The following SEPSECS variants were observed in gnomAD, a reference collection of about 807,000 sequenced individuals.
SEPSECS encodes the protein Sep (O-phosphoserine) tRNA:Sec (selenocysteine) tRNA synthase, also known as O-phosphoseryl-tRNA(Sec) selenium transferase.
Under a neutral mutation model 52.1 loss-of-function variants are expected in SEPSECS, and 42 were observed. The observed-to-expected ratio is 0.81, with a 90% CI of 0.63 to 1.04. The LOEUF (loss-of-function observed/expected upper bound fraction) is 1.04. Among genes scored for constraint, SEPSECS ranks in the 50% least tolerant of loss-of-function variants. SEPSECS has a pLI of 0.00. For missense variants in SEPSECS, 590 were observed against 610.6 expected (o/e 0.97, Z 0.36); for synonymous variants, 216 against 211.4 (o/e 1.02, Z -0.19).
At chr4:25,138,028 CAG>C (rs1553879643) in intron 8 of SEPSECS, among the ~76,000 whole-genome samples, 1 of 152,060 alleles carries the variant, frequency 6.6e-6, no homozygotes, top group Non-Finnish European at 1.5e-5. Context: ...CGCACAAACA[CAG>C]GGAGGGGAAC....
chr4:25,158,666 G>A (rs1478431360), intron 2 of SEPSECS, among the ~76,000 whole-genome samples: 2 of 151,884 alleles, frequency 1.3e-5, no homozygotes, highest in African/African-American at 4.8e-5. Flanking sequence ...AACCAGATAT[G>A]TTTATTAGGG....
chr4:25,127,563 C>T (rs529429835), intron 8 of SEPSECS, among the ~76,000 whole-genome samples: 8 of 152,316 alleles, frequency 5.3e-5, no homozygotes, highest in Admixed American at 5.2e-4. Flanking sequence ...AGGCAAAGAA[C>T]CAGCACATTT....
chr4:25,127,236 T>A lies in SEPSECS; in HGVS notation c.1120+28A>T, dbSNP rs1488446915. On this transcript the variant is annotated intron_variant, in intron 9 of 10. Transcript: ENST00000382103. ...CCTCCTAGAGTGGATCATAAGTATT[T>A]GTTTTTCTTTAGGAAAAAAGAAATT... 3 of 1,444,856 alleles carry A rather than the reference T, an allele frequency of 2.1e-6. No individual in the cohort carries two copies. The Middle Eastern group carries it at 5.2e-4, about 251-fold the overall frequency. 89.5% of individuals were successfully genotyped at this position (1,444,856 alleles called of 1,614,324 possible).
rs1728085333 is a variant in SEPSECS at position 25,120,595 on chromosome 4, T to C, written c.*3336A>G. 1 of 152,158 alleles carries C rather than the reference T, an allele frequency of 6.6e-6. No individual in the cohort carries two copies. The highest frequency in any genetic ancestry group is 1.9e-4 in the East Asian group (1 of 5,198). The allele number at this position is 152,158 out of a possible 1,614,324, so 9.4% of individuals were successfully genotyped here. ...TTTCTGTGTATGCAAAACTGGACTT[T>C]TTTCAGTTACAAAATAAGGTTGGCC... On this transcript the variant is annotated 3_prime_UTR_variant, in exon 11 of 11. Transcript: ENST00000382103.
intron 8 of SEPSECS, among the ~76,000 whole-genome samples, chr4:25,137,985 G>T (rs921677673): frequency 2.0e-5 from 3 of 152,038 alleles, no homozygotes; most frequent in Non-Finnish European, 4.4e-5. Context: ...ATACCGCATC[G>T]TCTCACTCTA....
At chr4:25,134,124 C>CAA (rs34672005) in intron 8 of SEPSECS, among the ~76,000 whole-genome samples, 1,216 of 13,162 alleles carry the variant, frequency 0.092, 247 homozygotes, top group Non-Finnish European at 0.13. Context: ...GACCCCATCT[C>CAA]AAAAAAAAAA....
At chr4:25,156,265 T>C (rs2109034432) in intron 3 of SEPSECS, 70 bp from the exon 4 acceptor site, 3 of 1,327,974 alleles carry the variant, frequency 2.3e-6, no homozygotes, top group East Asian at 4.8e-5. Context: ...GAGGAAATAA[T>C]ATATTTCATA....
chr4:25,127,637 A>G (rs1324127674), intron 8 of SEPSECS, among the ~76,000 whole-genome samples: 1 of 151,870 alleles, frequency 6.6e-6, no homozygotes, highest in Non-Finnish European at 1.5e-5. Flanking sequence ...CAGACCTACC[A>G]CTCTGGTCCT....
In SEPSECS at chr4:25,122,620, A is replaced by T. The variant is rs950640823; in HGVS notation, c.*1311T>A. 5.3e-5 allele frequency: 8 copies of T among 152,242 alleles called. No individual in the cohort carries two copies. The highest frequency in any genetic ancestry group is 3.4e-3 in the Middle Eastern group (1 of 294). 9.4% of individuals were successfully genotyped at this position (152,242 alleles called of 1,614,324 possible). A position where few individuals can be genotyped will look rare whatever the true frequency, so the allele number is the denominator to read the frequency against. ...CTCCCAAAATTATTTGTCTGTAAACATTTTCTCCCCATGAGCATCTTTTAG... is the reference window on the plus strand; with the variant it reads ...CTCCCAAAATTATTTGTCTGTAAACTTTTTCTCCCCATGAGCATCTTTTAG... On this transcript the variant is annotated 3_prime_UTR_variant, in exon 11 of 11. Transcript: ENST00000382103.
At position 25,123,900 on chromosome 4, in the gene SEPSECS, T is replaced by G. The variant is rs1377492864; in HGVS notation, c.*31A>C. On this transcript the variant is annotated 3_prime_UTR_variant, in exon 11 of 11. Coordinates refer to ENST00000382103, the MANE Select transcript of SEPSECS (RefSeq NM_016955.4). The stretch of plus-strand genomic sequence containing the variant: ...CTTGTACTACAGCCTTATCATTTCT[T>G]TCAAATGATCAAGAAGAAACCCTTC... The G allele has an allele frequency of 6.3e-7, 1 of 1,577,752 alleles. No individual in the cohort carries two copies. Among genetic ancestry groups the G allele is most frequent in the Non-Finnish European group, 8.7e-7 (1 of 1,147,546 alleles).
At chr4:25,138,107 G>A (rs1317738442) in intron 8 of SEPSECS, among the ~76,000 whole-genome samples, 22 of 152,058 alleles carry the variant, frequency 1.4e-4, no homozygotes, top group South Asian at 2.1e-4. Flanking sequence ...TAGCTAATGC[G>A]TGCTGGGCTT....
At chr4:25,153,124 A>G (rs1712408827) in intron 5 of SEPSECS, among the ~76,000 whole-genome samples, 1 of 151,906 alleles carries the variant, frequency 6.6e-6, no homozygotes, top group Non-Finnish European at 1.5e-5. Flanking sequence ...TTGAAGTCTT[A>G]TGAATTAAAA....
chr4:25,144,448 G>A (rs1711832783), intron 8 of SEPSECS, among the ~76,000 whole-genome samples: 1 of 150,748 alleles, frequency 6.6e-6, no homozygotes, highest in Non-Finnish European at 1.5e-5. Flanking sequence ...TTATCCATTT[G>A]TCTTTTAAGA....
At chr4:25,124,480 G>A (rs1728280256) in intron 10 of SEPSECS, among the ~76,000 whole-genome samples, 1 of 152,028 alleles carries the variant, frequency 6.6e-6, no homozygotes, top group Non-Finnish European at 1.5e-5. Context: ...ATAAGCTCTA[G>A]GAATCTCTTT....
rs559176887 is a variant in SEPSECS at position 25,138,106 on chromosome 4, C to T, written c.1026+6668G>A. Among the ~76,000 whole-genome samples, 12 of 152,134 alleles carry T rather than the reference C, an allele frequency of 7.9e-5. No individual in the cohort carries two copies. The South Asian group carries it at 1.5e-3, about 18-fold the overall frequency. On this transcript the variant is annotated intron_variant, in intron 8 of 10. Coordinates refer to ENST00000382103, the MANE Select transcript of SEPSECS (RefSeq NM_016955.4). ...AGAGCATCAGAAAAAATAGCTAATG[C>T]GTGCTGGGCTTAATACTTAGGTGAT...
intron 9 of SEPSECS, 38 bp downstream of exon 9, chr4:25,127,226 C>T: frequency 7.6e-7 from 1 of 1,312,086 alleles, no homozygotes; most frequent in Non-Finnish European, 1.1e-6. Context: ...TAGAGTGGAT[C>T]ATAAGTATTT....
chr4:25,147,212 T>C (rs1442188594), intron 6 of SEPSECS, among the ~76,000 whole-genome samples: 1 of 152,210 alleles, frequency 6.6e-6, no homozygotes, highest in East Asian at 1.9e-4. Context: ...GAGTGCTTCC[T>C]AGATCACTCC....
Position 25,123,594 on chromosome 4 carries a change from A to C in SEPSECS, c.*337T>G, listed in dbSNP as rs1172287925. On this transcript the variant is annotated 3_prime_UTR_variant, in exon 11 of 11. Transcript: ENST00000382103. ...TCAGAAACGGTAAAGAATGGTTAGG[A>C]GGAAGCACTCTACATTTCAAAGAGA... The C allele has an allele frequency of 3.3e-6, 1 of 302,728 alleles. No individual in the cohort carries two copies. Among genetic ancestry groups the C allele is most frequent in the African/African-American group, 2.2e-5 (1 of 46,300 alleles). The allele number at this position is 302,728 out of a possible 1,614,324, so 18.8% of individuals were successfully genotyped here.
chr4:25,127,576 T>C (rs1357856049), intron 8 of SEPSECS, among the ~76,000 whole-genome samples: 1 of 152,182 alleles, frequency 6.6e-6, no homozygotes, highest in East Asian at 1.9e-4. Context: ...GCACATTTTC[T>C]CCCTTCACTA....
Sources: gnomAD v4.1 joint callset for allele counts (sites outside exome capture counted in the v4.1 genomes callset) on GRCh38, gnomAD v4.1.1 for gene constraint, MANE v1.5 for transcripts, NCBI Gene and HGNC (gene_info 2026-07-23, HGNC 2026-07-21) for gene names.